Variants in ENOX2 observed in about 807,000 individuals in gnomAD.
ENOX2 encodes the protein ecto-NOX disulfide-thiol exchanger 2.
In ENOX2, 36 loss-of-function variants were observed where a neutral mutation model predicts 45.0. That is an observed-to-expected ratio of 0.80 (90% CI 0.61 to 1.06). The LOEUF is 1.06. Among genes scored for constraint, ENOX2 ranks in the 50% least tolerant of loss-of-function variants. ENOX2 has a pLI of 0.00. For synonymous variants in ENOX2, 174 were observed against 152.3 expected (o/e 1.14, Z -1.05); for missense variants, 423 against 462.5 (o/e 0.91, Z 0.78).
In ENOX2 at chrX:130,670,133, C is replaced by T. The variant is rs755674353; in HGVS notation, c.526G>A (p.Ala176Thr). ...KDTGRLHVDFAQARDDLYEWE... is the reference protein window; with the variant it reads ...KDTGRLHVDFTQARDDLYEWE... Reference sequence around the variant, plus strand: ...TCATACAGGTCATCTCGAGCCTGTGCGAAATCAACGTGGAGTCTGCCTGTG... The same window carrying T: ...TCATACAGGTCATCTCGAGCCTGTGTGAAATCAACGTGGAGTCTGCCTGTG... The change falls in exon 7 of 15, where the codon GCA becomes ACA. Residue 176 changes from alanine (A) to threonine (T), a missense_variant. Physicochemically the swap from Ala to Thr is moderately conservative, Grantham distance 58 (BLOSUM62 0). Coordinates refer to ENST00000394363, the MANE Select transcript of ENOX2 (RefSeq NM_006375.4). 1.7e-5 allele frequency: 21 copies of T among 1,208,747 alleles called. No individual in the cohort carries two copies. The highest frequency in any genetic ancestry group is 3.5e-5 in the African/African-American group (2 of 56,812).
At chrX:130,814,737 T>C (rs1242749622) in intron 2 of ENOX2, among the ~76,000 whole-genome samples, 1 of 111,885 alleles carries the variant, frequency 8.9e-6, no homozygotes, top group Non-Finnish European at 1.9e-5. Context: ...AAACCCCATC[T>C]GATGGTCACC....
chrX:130,858,288 G>A (rs1357447515), intron 2 of ENOX2, among the ~76,000 whole-genome samples: 4 of 109,598 alleles, frequency 3.6e-5, no homozygotes, highest in African/African-American at 1.3e-4. Context: ...GCTAATTTTT[G>A]TATTTTCTGT....
intron 2 of ENOX2, among the ~76,000 whole-genome samples, chrX:130,813,036 T>C (rs931456849): frequency 8.9e-6 from 1 of 111,992 alleles, no homozygotes; most frequent in Non-Finnish European, 1.9e-5. Flanking sequence ...ATTGGAGTAT[T>C]TCAGATTTCA....
At chrX:130,734,100 C>T (rs1218984347) in intron 3 of ENOX2, among the ~76,000 whole-genome samples, 3 of 112,273 alleles carry the variant, frequency 2.7e-5, no homozygotes, top group Admixed American at 9.4e-5. Context: ...GCTTGGCAGG[C>T]GAATCCACTG....
At chrX:130,743,467 T>C (rs966464475) in intron 3 of ENOX2, among the ~76,000 whole-genome samples, 2 of 109,325 alleles carry the variant, frequency 1.8e-5, no homozygotes, top group South Asian at 4.0e-4. Flanking sequence ...CTATTTCCTA[T>C]GAGGGATTTT....
chrX:130,689,508 C>T (rs189906466), intron 4 of ENOX2, among the ~76,000 whole-genome samples: 379 of 112,218 alleles, frequency 3.4e-3, no homozygotes, highest in African/African-American at 0.011. Flanking sequence ...ATATCACCTA[C>T]GCTACAGGAA....
chrX:130,780,922 G>T (rs2039955785), intron 3 of ENOX2, among the ~76,000 whole-genome samples: 1 of 111,337 alleles, frequency 9.0e-6, no homozygotes, highest in Non-Finnish European at 1.9e-5. Flanking sequence ...AAATGAAATG[G>T]TCGGTAGCTC....
chrX:130,677,159 G>A (rs774289582), intron 6 of ENOX2, among the ~76,000 whole-genome samples: 10 of 111,558 alleles, frequency 9.0e-5, no homozygotes, highest in Non-Finnish European at 1.9e-4. Flanking sequence ...CTTTCTTGAT[G>A]CCCCCAGTTA....
chrX:130,694,910 T>C (rs188812861), intron 4 of ENOX2, among the ~76,000 whole-genome samples: 2 of 111,711 alleles, frequency 1.8e-5, no homozygotes, highest in East Asian at 5.6e-4. Flanking sequence ...CACTCATTAA[T>C]TGGCTACTTA....
chrX:130,787,581 A>T (rs1015879039), intron 2 of ENOX2, among the ~76,000 whole-genome samples: 1 of 111,229 alleles, frequency 9.0e-6, no homozygotes, highest in Non-Finnish European at 1.9e-5. Context: ...AGTTGAAGGA[A>T]TCCAGGGGAA....
At chrX:130,886,583 C>G (rs2078906972) in intron 2 of ENOX2, among the ~76,000 whole-genome samples, 1 of 111,729 alleles carries the variant, frequency 9.0e-6, no homozygotes, top group South Asian at 3.7e-4. Flanking sequence ...ACTTTTGATC[C>G]AAGGATATTT....
intron 3 of ENOX2, among the ~76,000 whole-genome samples, chrX:130,772,552 G>T (rs1419628365): frequency 8.9e-6 from 1 of 111,813 alleles, no homozygotes; most frequent in African/African-American, 3.2e-5. Flanking sequence ...AGCACTTAGT[G>T]TTCATCTCAG....
chrX:130,681,787 T>G (rs1055586591), intron 5 of ENOX2, among the ~76,000 whole-genome samples: 2 of 111,875 alleles, frequency 1.8e-5, no homozygotes, highest in Non-Finnish European at 3.8e-5. Flanking sequence ...TGTAGCGTTA[T>G]TATTATTTAC....
chrX:130,733,644 C>T (rs1434051981), intron 3 of ENOX2, among the ~76,000 whole-genome samples: 2 of 112,370 alleles, frequency 1.8e-5, no homozygotes, highest in Non-Finnish European at 3.8e-5. Flanking sequence ...CACGATTATT[C>T]AAATGAATTT....
chrX:130,675,761 T>C (rs1003097206), intron 6 of ENOX2, among the ~76,000 whole-genome samples: 2 of 111,238 alleles, frequency 1.8e-5, no homozygotes, highest in Non-Finnish European at 3.8e-5. Context: ...GCAAAAGGGG[T>C]GTAAAGGAAG....
chrX:130,712,700 C>T (rs1461659619), intron 3 of ENOX2, among the ~76,000 whole-genome samples: 6 of 111,661 alleles, frequency 5.4e-5, no homozygotes, highest in Admixed American at 9.5e-5. Flanking sequence ...GCATATAAAA[C>T]CCTAGGTCCA....
intron 9 of ENOX2, among the ~76,000 whole-genome samples, chrX:130,658,559 G>A (rs1179842100): frequency 1.8e-5 from 2 of 111,870 alleles, no homozygotes; most frequent in Non-Finnish European, 3.8e-5. Flanking sequence ...AGCAGGATAT[G>A]TGTGAAAAAA....
chrX:130,815,881 A>G (rs2077474980), intron 2 of ENOX2, among the ~76,000 whole-genome samples: 1 of 111,792 alleles, frequency 8.9e-6, no homozygotes, highest in Non-Finnish European at 1.9e-5. Flanking sequence ...TGACAGGATC[A>G]AATTCACACA....
At chrX:130,886,900 T>C (rs902022742) in intron 2 of ENOX2, among the ~76,000 whole-genome samples, 2 of 112,380 alleles carry the variant, frequency 1.8e-5, no homozygotes, top group Admixed American at 9.4e-5. Flanking sequence ...CACTGTCTTC[T>C]GTGCAAACAC....
Sources: allele counts gnomAD v4.1 joint callset (sites outside exome capture counted in the v4.1 genomes callset), GRCh38; gene constraint gnomAD v4.1.1; transcripts MANE v1.5; gene names NCBI Gene and HGNC (gene_info 2026-07-23, HGNC 2026-07-21).